SUCLA2: variants seen among roughly 807,000 people sequenced by gnomAD.
SUCLA2 encodes succinate--CoA ligase [ADP-forming] subunit beta, mitochondrial.
A neutral mutation model predicts 54.8 loss-of-function variants in SUCLA2; 30 were observed. The ratio of observed to expected loss-of-function variants is 0.55; its 90% CI spans 0.41 to 0.74. The LOEUF (loss-of-function observed/expected upper bound fraction) is 0.74. Among genes scored for constraint, SUCLA2 ranks in the 30% least tolerant of loss-of-function variants. The pLI is 0.00. For synonymous variants in SUCLA2, 172 were observed against 188.9 expected, an observed-to-expected ratio of 0.91 and a Z score of 0.74; for missense variants, 476 against 562.9, an observed-to-expected ratio of 0.85 and a Z score of 1.56.
At chr13:47,964,718 G>A (rs1217232434) in intron 6 of SUCLA2, among the ~76,000 whole-genome samples, 4 of 152,176 alleles carry the variant, frequency 2.6e-5, no homozygotes, top group South Asian at 4.1e-4. Flanking sequence ...TTAGCCGGGC[G>A]TGGTGGCGGG....
intron 4 of SUCLA2, among the ~76,000 whole-genome samples, chr13:47,977,744 C>T (rs557167492): frequency 2.0e-5 from 3 of 152,018 alleles, no homozygotes; most frequent in Non-Finnish European, 4.4e-5. Context: ...AAATACTCAA[C>T]AAAGACTGAA....
intron 10 of SUCLA2, among the ~76,000 whole-genome samples, chr13:47,943,688 T>C (rs1949703537): frequency 6.6e-6 from 1 of 151,322 alleles, no homozygotes; most frequent in Non-Finnish European, 1.5e-5. Flanking sequence ...CCTGCTAGGA[T>C]TACACATATG....
intron 1 of SUCLA2, 58 bp from the exon 2 acceptor site, chr13:47,997,081 A>T: frequency 6.4e-7 from 1 of 1,562,278 alleles, no homozygotes; most frequent in Non-Finnish European, 8.8e-7. Flanking sequence ...ACTCTTGCTA[A>T]CTACTTGGTT....
intron 2 of SUCLA2, among the ~76,000 whole-genome samples, 182 bp downstream of exon 2, chr13:47,996,661 A>C (rs1950193951): frequency 6.6e-6 from 1 of 151,302 alleles, no homozygotes; most frequent in Non-Finnish European, 1.5e-5. Flanking sequence ...GGGTGCTCAT[A>C]ATAATAATAA....
At chr13:47,991,883 C>T (rs1950151776) in intron 2 of SUCLA2, among the ~76,000 whole-genome samples, 1 of 152,154 alleles carries the variant, frequency 6.6e-6, no homozygotes, top group South Asian at 2.1e-4. Flanking sequence ...TGTATCACAA[C>T]TAATATTAGG....
rs1020699815 is a variant in SUCLA2 at position 47,951,765 on chromosome 13, C to A, written c.1108-2162G>T. Among the ~76,000 whole-genome samples the A allele has an allele frequency of 5.9e-5, 9 of 152,142 alleles. No homozygotes were observed. In the East Asian group the frequency reaches 1.7e-3, roughly 29 times the overall value. The stretch of plus-strand genomic sequence containing the variant: ...GGAGTAACCACCTTTCCAAAGCTGA[C>A]CTGGCCAGATAATTATCTCCATCTA... On this transcript the variant is annotated intron_variant, in intron 8 of 10. Coordinates refer to ENST00000646932, the MANE Select transcript of SUCLA2 (RefSeq NM_003850.3).
chr13:47,989,301 C>G (rs543885156), intron 2 of SUCLA2, among the ~76,000 whole-genome samples: 18 of 151,672 alleles, frequency 1.2e-4, no homozygotes, highest in South Asian at 8.3e-4. Context: ...AGCTCCGCCT[C>G]CCAGGTTCAC....
At chr13:47,964,961 T>G (rs147159801) in intron 6 of SUCLA2, among the ~76,000 whole-genome samples, 156 of 138,876 alleles carry the variant, frequency 1.1e-3, no homozygotes, top group African/African-American at 4.1e-3. Context: ...ATTATAATTT[T>G]ATTTATAATT....
At chr13:48,000,544 G>A (rs1950221916) in intron 1 of SUCLA2, among the ~76,000 whole-genome samples, 1 of 152,132 alleles carries the variant, frequency 6.6e-6, no homozygotes, top group Non-Finnish European at 1.5e-5. Context: ...TTCAAAACAA[G>A]GCCAGTAACT....
At chr13:47,945,422 C>CAAAAAA (rs10661341) in intron 10 of SUCLA2, among the ~76,000 whole-genome samples, 507 of 49,906 alleles carry the variant, frequency 0.01, 64 homozygotes, top group Non-Finnish European at 0.013. Context: ...GACTCAGTCT[C>CAAAAAA]AAAAAAAAAA....
At chr13:47,983,248 T>A (rs1342209647) in intron 4 of SUCLA2, among the ~76,000 whole-genome samples, 1 of 152,210 alleles carries the variant, frequency 6.6e-6, no homozygotes, top group Admixed American at 6.5e-5. Context: ...AAATTTCAAA[T>A]GAAAGGGTAT....
intron 6 of SUCLA2, among the ~76,000 whole-genome samples, chr13:47,960,833 T>C (rs1410013973): frequency 6.6e-6 from 1 of 152,224 alleles, no homozygotes; most frequent in Non-Finnish European, 1.5e-5. Context: ...ACACTCATAA[T>C]GAACTGCTTT....
rs747860810 is a variant in SUCLA2 at position 48,001,164 on chromosome 13, G to A, written c.90+16C>T. 1.2e-6 allele frequency: 2 copies of A among 1,604,616 alleles called. No homozygotes were observed. Among genetic ancestry groups the A allele is most frequent in the South Asian group, 1.1e-5 (1 of 89,274 alleles). The stretch of plus-strand genomic sequence containing the variant: ...CCTGCCGACCCTCGAGACGACAGCG[G>A]ACTGGAAGGCATTACCTGAGCAGCA... On this transcript the variant is annotated intron_variant, in intron 1 of 10. Transcript: ENST00000646932.
At chr13:47,956,132 A>G (rs1274691865) in intron 6 of SUCLA2, among the ~76,000 whole-genome samples, 1 of 152,236 alleles carries the variant, frequency 6.6e-6, no homozygotes, top group East Asian at 1.9e-4. Flanking sequence ...TAGAATAATC[A>G]GAAGACTATT....
At chr13:47,961,982 C>A (rs1478060015) in intron 6 of SUCLA2, among the ~76,000 whole-genome samples, 1 of 152,152 alleles carries the variant, frequency 6.6e-6, no homozygotes, top group African/African-American at 2.4e-5. Context: ...ATTAGAGAGA[C>A]CTTTCAGGAC....
At chr13:48,000,937 G>T (rs1308724221) in intron 1 of SUCLA2, 1 of 1,391,298 alleles carries the variant, frequency 7.2e-7, no homozygotes, top group African/African-American at 1.5e-5. Flanking sequence ...GAAACTGCAG[G>T]AGCAGCCACG....
intron 5 of SUCLA2, among the ~76,000 whole-genome samples, chr13:47,970,715 C>T (rs958815379): frequency 6.6e-6 from 1 of 152,086 alleles, no homozygotes; most frequent in Non-Finnish European, 1.5e-5. Flanking sequence ...CAAAAATTAG[C>T]TGGTCATGGT....
chr13:47,953,322 A>T (rs986809227), intron 8 of SUCLA2, among the ~76,000 whole-genome samples: 1 of 152,134 alleles, frequency 6.6e-6, no homozygotes, highest in Non-Finnish European at 1.5e-5. Context: ...AGTAGTAAGT[A>T]CTCAACAGTT....
rs565828243 is a variant in SUCLA2, at chr13:47,987,696, A to G, written c.534+845T>C. The G allele has an allele frequency of 2.0e-5, 3 of 152,162 alleles. No homozygotes were observed. The East Asian group carries it at 5.8e-4, about 29-fold the overall frequency. The allele number at this position is 152,162 out of a possible 1,614,324, so 9.4% of individuals were successfully genotyped here. A position where few individuals can be genotyped will look rare whatever the true frequency, so the allele number is the denominator to read the frequency against. On this transcript the variant is annotated intron_variant, in intron 4 of 10. Coordinates refer to ENST00000646932, the MANE Select transcript of SUCLA2 (RefSeq NM_003850.3). ...AAAAATCACAATACAGAAAGTTGTT[A>G]TTTTTAAAAAAGTTGTTCTACATAA...
Sources: gnomAD v4.1 joint callset for allele counts (sites outside exome capture counted in the v4.1 genomes callset) on GRCh38, gnomAD v4.1.1 for gene constraint, MANE v1.5 for transcripts, NCBI Gene and HGNC (gene_info 2026-07-23, HGNC 2026-07-21) for gene names.